The following SAMMSON variants were observed in gnomAD, a reference collection of about 807,000 sequenced individuals.
SAMMSON encodes survival associated mitochondrial melanoma specific oncogenic non-coding RNA.
At chr3:70,088,783 C>T (rs1576118744) in intron 4 of SAMMSON, among the ~76,000 whole-genome samples, 1 of 152,218 alleles carries the variant, frequency 6.6e-6, no homozygotes. Context: ...TAGTTCCTTG[C>T]ATTCAGAAAC....
intron 4 of SAMMSON, among the ~76,000 whole-genome samples, chr3:70,222,877 G>A (rs959712790): frequency 7.9e-5 from 12 of 152,140 alleles, no homozygotes; most frequent in Non-Finnish European, 1.6e-4. Context: ...CTATTGTCAA[G>A]GTCAATCTGA....
At chr3:70,251,810 G>A (rs1469073707) in intron 6 of SAMMSON, among the ~76,000 whole-genome samples, 1 of 152,136 alleles carries the variant, frequency 6.6e-6, no homozygotes. Flanking sequence ...AAACCCTACT[G>A]CACCTGATTC....
intron 7 of SAMMSON, among the ~76,000 whole-genome samples, chr3:70,350,262 A>G (rs543114993): frequency 6.6e-6 from 1 of 152,324 alleles, no homozygotes; most frequent in South Asian, 2.1e-4. Flanking sequence ...AATATTCTAT[A>G]CCAAAGCTAC....
chr3:70,278,736 T>G (rs1467147644), intron 6 of SAMMSON, among the ~76,000 whole-genome samples: 3 of 152,260 alleles, frequency 2.0e-5, no homozygotes, highest in South Asian at 2.1e-4. Context: ...CAGAGACATC[T>G]AAGTTGGTGC....
chr3:70,247,827 T>TA (rs1020692182), intron 4 of SAMMSON, among the ~76,000 whole-genome samples: 2 of 151,646 alleles, frequency 1.3e-5, no homozygotes, highest in African/African-American at 4.8e-5. Flanking sequence ...TTATGGTCAT[T>TA]AAAAAAAATA....
chr3:70,425,814 A>C (rs1393310282), intron 2 of SAMMSON, among the ~76,000 whole-genome samples: 2 of 152,234 alleles, frequency 1.3e-5, no homozygotes, highest in East Asian at 3.8e-4. Context: ...GTAAGGACTC[A>C]GGAAGAGTAT....
At chr3:70,237,038 C>T (rs1408180385) in intron 4 of SAMMSON, among the ~76,000 whole-genome samples, 1 of 151,652 alleles carries the variant, frequency 6.6e-6, no homozygotes, top group Non-Finnish European at 1.5e-5. Context: ...TGCAGCTTGC[C>T]CCATTCTCAC....
chr3:70,317,030 A>G (rs1183026882), intron 7 of SAMMSON, among the ~76,000 whole-genome samples: 1 of 152,064 alleles, frequency 6.6e-6, no homozygotes, highest in Non-Finnish European at 1.5e-5. Context: ...TGGGGGTTAC[A>G]ATATGCATCC....
intron 4 of SAMMSON, among the ~76,000 whole-genome samples, chr3:70,086,059 A>G (rs1454080384): frequency 2.0e-5 from 3 of 152,230 alleles, no homozygotes; most frequent in Non-Finnish European, 4.4e-5. Flanking sequence ...TCACTGTATT[A>G]TTTCCAAACA....
chr3:70,394,483 A>G (rs143117893), downstream of SAMMSON, among the ~76,000 whole-genome samples: 15 of 152,260 alleles, frequency 9.9e-5, no homozygotes, highest in African/African-American at 3.4e-4. Context: ...AAGCTCTACA[A>G]TGAAAAATCA....
At chr3:70,217,117 A>C (rs966789640) in intron 4 of SAMMSON, among the ~76,000 whole-genome samples, 8 of 152,074 alleles carry the variant, frequency 5.3e-5, no homozygotes, top group Non-Finnish European at 5.9e-5. Context: ...CCCTTGACCA[A>C]AATGCTGCCT....
At chr3:70,035,531 G>T (rs1450067681) in intron 3 of SAMMSON, among the ~76,000 whole-genome samples, 3 of 152,144 alleles carry the variant, frequency 2.0e-5, no homozygotes, top group Non-Finnish European at 4.4e-5. Context: ...TTCTGCCAAT[G>T]TTATCTAGCA....
intron 2 of SAMMSON, among the ~76,000 whole-genome samples, chr3:70,404,707 C>T (rs776600195): frequency 6.6e-5 from 10 of 152,040 alleles, no homozygotes; most frequent in Non-Finnish European, 1.3e-4. Flanking sequence ...AGACTATAAT[C>T]CCTGAAAGAA....
At chr3:70,055,450 A>G (rs1265479126) in intron 3 of SAMMSON, among the ~76,000 whole-genome samples, 2 of 152,150 alleles carry the variant, frequency 1.3e-5, no homozygotes, top group Non-Finnish European at 2.9e-5. Flanking sequence ...CTCTAAGGCT[A>G]TGAGAGCTGT....
rs531279583 is a variant in SAMMSON at position 70,354,542 on chromosome 3, G to A, written n.842+265G>A. On this transcript the variant is annotated intron_variant and non_coding_transcript_variant, in intron 8 of 9. Coordinates refer to ENST00000642114, the Ensembl canonical transcript of SAMMSON. The stretch of plus-strand genomic sequence containing the variant: ...AACCAGGAATGAGGAGGAGCATGAC[G>A]AAAATGGTGGTGGTGCTGAGGCTGC... 3.9e-5 allele frequency among the ~76,000 whole-genome samples: 6 copies of A among 152,304 alleles called. No individual in the cohort carries two copies. In the East Asian group the frequency reaches 5.8e-4, roughly 15 times the overall value.
chr3:70,166,547 A>G lies in SAMMSON; in HGVS notation n.508-82560A>G, dbSNP rs528939188. On this transcript the variant is annotated intron_variant and non_coding_transcript_variant, in intron 4 of 9. Coordinates refer to ENST00000642114, the Ensembl canonical transcript of SAMMSON. Reference sequence around the variant, plus strand: ...CCCGTATCCTCCATGGCATTCTTTAATAATTATTGCCCTCCTAGAAGCCAC... The same window carrying G: ...CCCGTATCCTCCATGGCATTCTTTAGTAATTATTGCCCTCCTAGAAGCCAC... Among the ~76,000 whole-genome samples, 7 of 152,114 alleles carry G rather than the reference A, an allele frequency of 4.6e-5. No homozygotes were observed. In the South Asian group the frequency reaches 1.4e-3, roughly 31 times the overall value.
intron 1 of SAMMSON, among the ~76,000 whole-genome samples, chr3:70,007,187 G>A (rs900352991): frequency 6.6e-6 from 1 of 152,052 alleles, no homozygotes; most frequent in African/African-American, 2.4e-5. Context: ...TGGGTCAAAT[G>A]GTATTTCTAG....
intron 7 of SAMMSON, among the ~76,000 whole-genome samples, chr3:70,293,091 G>C (rs187125507): frequency 7.4e-6 from 1 of 134,882 alleles, no homozygotes; most frequent in Non-Finnish European, 1.6e-5. Flanking sequence ...TACATGACGA[G>C]AAGAAAGAAA....
chr3:70,353,419 TAAA>T (rs1702808053), intron 7 of SAMMSON, among the ~76,000 whole-genome samples: 3 of 151,814 alleles, frequency 2.0e-5, no homozygotes, highest in Admixed American at 2.0e-4. Context: ...GTAAAAGAAA[TAAA>T]GAAGATGTTT....
Sources: allele counts gnomAD v4.1 joint callset (sites outside exome capture counted in the v4.1 genomes callset), GRCh38; gene constraint gnomAD v4.1.1; transcripts MANE v1.5; gene names NCBI Gene and HGNC (gene_info 2026-07-23, HGNC 2026-07-21).